Variants in ARID3A observed in about 807,000 individuals in gnomAD.
ARID3A encodes the protein AT-rich interaction domain 3A, also known as AT-rich interactive domain-containing protein 3A.
ARID3A carries 11 observed loss-of-function variants against 52.7 expected under a neutral mutation model. The observed-to-expected ratio is 0.21, with a 90% confidence interval of 0.13 to 0.35. The LOEUF (loss-of-function observed/expected upper bound fraction) is 0.35, where lower values mean the gene tolerates loss of function less well. Ranked by LOEUF, ARID3A falls within the 10% of genes least tolerant of loss-of-function variation. ARID3A has a pLI of 1.00. For synonymous variants in ARID3A, 404 were observed against 359.4 expected, an observed-to-expected ratio of 1.12 and a Z score of -1.40; for missense variants, 721 against 838.5, an observed-to-expected ratio of 0.86 and a Z score of 1.73.
chr19:953,931 A>T (rs536760334), intron 3 of ARID3A, among the ~76,000 whole-genome samples: 5 of 152,198 alleles, frequency 3.3e-5, no homozygotes, highest in African/African-American at 9.6e-5. Context: ...AAATTAGCCG[A>T]GCGTGGTGGT....
chr19:929,925 T>G lies in ARID3A; in HGVS notation c.368+29T>G. 6.5e-7 allele frequency: 1 copy of G among 1,536,734 alleles called. No homozygotes were observed. Among genetic ancestry groups the G allele is most frequent in the Non-Finnish European group, 8.7e-7 (1 of 1,146,514 alleles). ...AGTTGGGGTCTGGGGCAGGGCCTTC[T>G]GGGGGCTGTTACTGGCTCTGAGTGT... On this transcript the variant is annotated intron_variant, in intron 2 of 8. Transcript: ENST00000263620. This position sits in a 1 kb window ranked among gnomAD's most constrained non-coding sequence, Gnocchi z 6.2.
At position 955,837 on chromosome 19, in the gene ARID3A, G is replaced by A. The variant is rs199610985; in HGVS notation, c.694-4255G>A. ...GTGCGGTTCTTAGCCGGGGGGCTGC[G>A]TAACGAAGGACCTCAAACCGCGGGC... On this transcript the variant is annotated intron_variant, in intron 3 of 8. Transcript: ENST00000263620. 1.5e-4 allele frequency among the ~76,000 whole-genome samples: 23 copies of A among 152,280 alleles called. No individual in the cohort carries two copies. The East Asian group carries it at 3.3e-3, about 22-fold the overall frequency.
At chr19:945,013 G>A (rs2238573) in intron 3 of ARID3A, among the ~76,000 whole-genome samples, 18,597 of 152,098 alleles carry the variant, frequency 0.12, 1,252 homozygotes, top group East Asian at 0.27. Flanking sequence ...GTGGCTGGGC[G>A]TCTCTGCCCT....
In ARID3A at chr19:973,316, G is replaced by A. The variant is rs974327697; in HGVS notation, c.*1251G>A. 1.1e-5 allele frequency: 2 copies of A among 178,386 alleles called. No individual in the cohort carries two copies. Among genetic ancestry groups the A allele is most frequent in the African/African-American group, 4.7e-5 (2 of 42,128 alleles). 11.1% of individuals were successfully genotyped at this position (178,386 alleles called of 1,614,324 possible). On this transcript the variant is annotated 3_prime_UTR_variant, in exon 9 of 9. Transcript: ENST00000263620. ...TTAGTAGAGATGGGGGTTTTGCCATGTTGGTCAGGCTGATCTCGAACTCCT... is the reference window on the plus strand; with the variant it reads ...TTAGTAGAGATGGGGGTTTTGCCATATTGGTCAGGCTGATCTCGAACTCCT...
intron 6 of ARID3A, among the ~76,000 whole-genome samples, chr19:966,249 C>T (rs1381661585): frequency 2.0e-5 from 3 of 151,570 alleles, no homozygotes; most frequent in Admixed American, 2.0e-4. Flanking sequence ...CACCTGAGGT[C>T]AGGAGTTCAA....
chr19:939,752 G>A (rs1321503610), intron 3 of ARID3A, among the ~76,000 whole-genome samples: 2 of 152,098 alleles, frequency 1.3e-5, no homozygotes, highest in Non-Finnish European at 2.9e-5. Context: ...ACACCCCCAC[G>A]TCCACACACT....
chr19:952,008 G>A (rs535172351), intron 3 of ARID3A, among the ~76,000 whole-genome samples: 1 of 152,110 alleles, frequency 6.6e-6, no homozygotes, highest in Non-Finnish European at 1.5e-5. Flanking sequence ...AGGTGTGGTG[G>A]CACGTGCCGG....
At chr19:958,705 A>G (rs1053025392) in intron 3 of ARID3A, among the ~76,000 whole-genome samples, 7 of 151,960 alleles carry the variant, frequency 4.6e-5, no homozygotes, top group Admixed American at 2.6e-4. Context: ...CATCCTGGCT[A>G]ACACGGTGAA....
At chr19:948,254 C>T (rs1249333712) in intron 3 of ARID3A, among the ~76,000 whole-genome samples, 1 of 151,428 alleles carries the variant, frequency 6.6e-6, no homozygotes, top group African/African-American at 2.4e-5. Context: ...GTCCAGGACA[C>T]ACAGGAGGTG....
At chr19:952,836 C>G (rs1018009222) in intron 3 of ARID3A, among the ~76,000 whole-genome samples, 47 of 152,214 alleles carry the variant, frequency 3.1e-4, no homozygotes, top group African/African-American at 1.1e-3. Flanking sequence ...CCCAAGGACA[C>G]CGCCCTGGGC....
chr19:966,241 C>T (rs184003775), intron 6 of ARID3A, among the ~76,000 whole-genome samples: 2,813 of 151,496 alleles, frequency 0.019, 92 homozygotes, highest in African/African-American at 0.065. Flanking sequence ...GGGCGGATCA[C>T]CTGAGGTCAG....
At position 944,888 on chromosome 19, in the gene ARID3A, C is replaced by T. The variant is rs905084108; in HGVS notation, c.693+12146C>T. 4.6e-5 allele frequency among the ~76,000 whole-genome samples: 7 copies of T among 152,172 alleles called. No homozygotes were observed. The highest frequency in any genetic ancestry group is 1.2e-4 in the African/African-American group (5 of 41,450). On this transcript the variant is annotated intron_variant, in intron 3 of 8. Coordinates refer to ENST00000263620, the MANE Select transcript of ARID3A (RefSeq NM_005224.3). The surrounding 1 kb of genome is among the most constrained non-coding windows in gnomAD (Gnocchi z 5.9). ...CCGGGATGTCCCTGGGTCCTGCGGT[C>T]GCTCTCTGTCTCCATCTCTTCTTTC...
At position 973,796 on chromosome 19, in the gene ARID3A, C is replaced by A. The variant is rs561726996; in HGVS notation, c.*1731C>A. 8.7e-6 allele frequency: 2 copies of A among 229,634 alleles called. No homozygotes were observed. The highest frequency in any genetic ancestry group is 1.7e-5 in the Non-Finnish European group (2 of 115,744). The allele number at this position is 229,634 out of a possible 1,614,324, so 14.2% of individuals were successfully genotyped here. On this transcript the variant is annotated 3_prime_UTR_variant, in exon 9 of 9. Coordinates refer to ENST00000263620, the MANE Select transcript of ARID3A (RefSeq NM_005224.3). ...ACCACCCTGTGGGTCAGTACCCCTC[C>A]CCCTGGCTTGGAGAAAGTGGGGTCA...
intron 1 of ARID3A, among the ~76,000 whole-genome samples, chr19:927,310 T>G (rs1047891615): frequency 9.4e-5 from 14 of 149,424 alleles, no homozygotes; most frequent in Non-Finnish European, 3.0e-5. Flanking sequence ...GACAAAGGGC[T>G]CTTGGGGGGA....
Position 974,984 on chromosome 19 carries a change from G to A in ARID3A, c.*2919G>A. The A allele has an allele frequency of 4.3e-6, 1 of 232,532 alleles. No individual in the cohort carries two copies. 14.4% of individuals were successfully genotyped at this position (232,532 alleles called of 1,614,324 possible). On this transcript the variant is annotated 3_prime_UTR_variant, in exon 9 of 9. Coordinates refer to ENST00000263620, the MANE Select transcript of ARID3A (RefSeq NM_005224.3). ...GGTTGCAGAGGGTCTATGGGGCCCGGTCCTGGATACTCGGCAGGAAGCCGT... is the reference window on the plus strand; with the variant it reads ...GGTTGCAGAGGGTCTATGGGGCCCGATCCTGGATACTCGGCAGGAAGCCGT...
At chr19:949,065 G>A (rs944658713) in intron 3 of ARID3A, among the ~76,000 whole-genome samples, 1 of 152,118 alleles carries the variant, frequency 6.6e-6, no homozygotes, top group African/African-American at 2.4e-5. Context: ...CACTCTGGCC[G>A]CCTCCTTCCC....
In ARID3A at chr19:950,974, C is replaced by T. The variant is rs118010344; in HGVS notation, c.694-9118C>T. ...AGTAGCTGGGGTTACGGGCATGCAC[C>T]ACCACGCCTGGCCTATTTTGTATTT... On this transcript the variant is annotated intron_variant, in intron 3 of 8. Transcript: ENST00000263620. 1.7e-3 allele frequency among the ~76,000 whole-genome samples: 261 copies of T among 152,064 alleles called. 1 individual carries two copies. Among genetic ancestry groups the T allele is most frequent in the Non-Finnish European group, 2.3e-3 (159 of 67,998 alleles).
rs12971369 is a variant in ARID3A at position 973,971 on chromosome 19, T to A, written c.*1906T>A. ...CTACACGGGAGCTCTGGGCTTTCATTTCTCTTGGGGTGCAGTGGGGATTAA... is the reference window on the plus strand; with the variant it reads ...CTACACGGGAGCTCTGGGCTTTCATATCTCTTGGGGTGCAGTGGGGATTAA... On this transcript the variant is annotated 3_prime_UTR_variant, in exon 9 of 9. Coordinates refer to ENST00000263620, the MANE Select transcript of ARID3A (RefSeq NM_005224.3). The A allele has an allele frequency of 0.25, 57,928 of 229,672 alleles. 8,390 individuals are homozygous for A. Among genetic ancestry groups the A allele is most frequent in the East Asian group, 0.5 (8,174 of 16,204 alleles). 14.2% of individuals were successfully genotyped at this position (229,672 alleles called of 1,614,324 possible). A position where few individuals can be genotyped will look rare whatever the true frequency, so the allele number is the denominator to read the frequency against.
rs1311904534 is a variant in ARID3A, at chr19:947,028, C to G, written c.694-13064C>G. ...CAGGCGGGTCTCAAACTCCTGGGCT[C>G]GAGCAGTCTGCCCACCTCGGCCTCC... On this transcript the variant is annotated intron_variant, in intron 3 of 8. Transcript: ENST00000263620. This position sits in a 1 kb window ranked among gnomAD's most constrained non-coding sequence, Gnocchi z 6.3. Among the ~76,000 whole-genome samples the G allele has an allele frequency of 6.6e-6, 1 of 151,272 alleles. No individual in the cohort carries two copies. Among genetic ancestry groups the G allele is most frequent in the East Asian group, 1.9e-4 (1 of 5,154 alleles).
Sources: gnomAD v4.1 joint callset for allele counts (sites outside exome capture counted in the v4.1 genomes callset) on GRCh38, gnomAD v4.1.1 for gene constraint, Gnocchi (gnomAD v3.1) non-coding constraint, MANE v1.5 for transcripts, NCBI Gene and HGNC (gene_info 2026-07-23, HGNC 2026-07-21) for gene names.